ROBO1: variants seen among roughly 807,000 people sequenced by gnomAD.
ROBO1 encodes the protein roundabout homolog 1.
A neutral mutation model predicts 195.9 loss-of-function variants in ROBO1; 149 were observed. The ratio of observed to expected loss-of-function variants is 0.76; its 90% CI spans 0.67 to 0.87. ROBO1 has a LOEUF of 0.87. ROBO1 is among the 40% of genes least tolerant of loss of function. ROBO1 has a pLI of 0.00. For synonymous variants in ROBO1, 816 were observed against 733.2 expected (o/e 1.11, Z -1.82); for missense variants, 1,933 against 2,068.3 (o/e 0.93, Z 1.27).
chr3:78,647,652 G>A lies in ROBO1; in HGVS notation c.2816C>T (p.Pro939Leu), dbSNP rs770487592. The change falls in exon 20 of 31, where the codon CCG (proline) becomes CTG (leucine). Residue 939 changes from proline (P) to leucine (L), a missense_variant. Around this residue, in one of 3 missense-constraint regions of ROBO1, gnomAD observed 1,737 missense variants for 1,882.5 expected, o/e 0.92. Coordinates refer to ENST00000464233, the MANE Select transcript of ROBO1 (RefSeq NM_002941.4). ...TSTYAGIRKVPSFTFTPTVTY... is the reference protein window; with the variant it reads ...TSTYAGIRKVLSFTFTPTVTY... ...ACCTGTTGGTGTGAAGGTAAAAGAC[G>A]GGACTGAAAAATCAAAACAAAATAT... 11 of 1,611,080 alleles carry A rather than the reference G, an allele frequency of 6.8e-6. No individual in the cohort carries two copies. Among genetic ancestry groups the A allele is most frequent in the South Asian group, 1.1e-5 (1 of 91,002 alleles).
intron 2 of ROBO1, among the ~76,000 whole-genome samples, chr3:79,340,880 T>A (rs2034881055): frequency 1.3e-5 from 2 of 152,172 alleles, no homozygotes; most frequent in South Asian, 4.1e-4. Context: ...AAGTGCCTGA[T>A]GTAGATTAAA....
intron 2 of ROBO1, among the ~76,000 whole-genome samples, chr3:79,493,268 T>C (rs1272684592): frequency 3.3e-5 from 5 of 152,048 alleles, no homozygotes; most frequent in African/African-American, 4.8e-5. Context: ...TACAAAAACA[T>C]AATTTTTGAT....
At chr3:78,663,039 T>C (rs112869296) in intron 14 of ROBO1, among the ~76,000 whole-genome samples, 3,056 of 152,204 alleles carry the variant, frequency 0.02, 95 homozygotes, top group African/African-American at 0.068. Flanking sequence ...AGAATTCTCT[T>C]TCTCAAAGAA....
At chr3:79,442,526 C>T (rs1182382978) in intron 2 of ROBO1, among the ~76,000 whole-genome samples, 1 of 151,984 alleles carries the variant, frequency 6.6e-6, no homozygotes, top group South Asian at 2.1e-4. Flanking sequence ...CTGGTGGTCC[C>T]GTCTGAATCC....
chr3:79,142,556 C>A (rs902958681), intron 2 of ROBO1, among the ~76,000 whole-genome samples: 1 of 152,094 alleles, frequency 6.6e-6, no homozygotes, highest in Non-Finnish European at 1.5e-5. Flanking sequence ...GATTCAGTAG[C>A]CTCTGCACAT....
intron 3 of ROBO1, among the ~76,000 whole-genome samples, chr3:79,062,669 T>TA (rs376858613): frequency 2.0e-4 from 31 of 152,180 alleles, no homozygotes; most frequent in African/African-American, 7.2e-4. Flanking sequence ...TATGCAGCCA[T>TA]AAAAAAGAAT....
intron 28 of ROBO1, among the ~76,000 whole-genome samples, chr3:78,609,814 G>A (rs1194053452): frequency 1.3e-5 from 2 of 152,026 alleles, no homozygotes; most frequent in Non-Finnish European, 2.9e-5. Flanking sequence ...GCCCTAAGAA[G>A]CATCAGTTTT....
At chr3:78,813,899 C>A (rs541493844) in intron 4 of ROBO1, among the ~76,000 whole-genome samples, 2 of 152,136 alleles carry the variant, frequency 1.3e-5, no homozygotes, top group South Asian at 4.1e-4. Context: ...TTACAGGGAT[C>A]TTGTCCTGTG....
At chr3:79,231,686 A>G (rs1274138668) in intron 2 of ROBO1, among the ~76,000 whole-genome samples, 6 of 152,176 alleles carry the variant, frequency 3.9e-5, no homozygotes, top group Non-Finnish European at 8.8e-5. Context: ...CAGAAATGCC[A>G]TTTGACCCAG....
chr3:79,190,218 A>T (rs549794405), intron 2 of ROBO1, among the ~76,000 whole-genome samples: 2 of 151,748 alleles, frequency 1.3e-5, no homozygotes, highest in African/African-American at 4.8e-5. Flanking sequence ...AATTCTAGAA[A>T]TGCCTCTCTT....
At position 78,755,389 on chromosome 3, in the gene ROBO1, G is replaced by A. The variant is rs191124865; in HGVS notation, c.500-8489C>T. On this transcript the variant is annotated intron_variant, in intron 4 of 30. Coordinates refer to ENST00000464233, the MANE Select transcript of ROBO1 (RefSeq NM_002941.4). ...GTGGGGAGACTGAGGTAGGAGGATC[G>A]CTTGAGCCTGGGAGATTGAGGCCAC... Among the ~76,000 whole-genome samples, 332 of 152,192 alleles carry A rather than the reference G, an allele frequency of 2.2e-3. 2 individuals are homozygous for A. Among genetic ancestry groups the A allele is most frequent in the African/African-American group, 7.6e-3 (315 of 41,534 alleles).
intron 3 of ROBO1, among the ~76,000 whole-genome samples, chr3:79,013,770 AT>A (rs1046907017): frequency 2.6e-5 from 4 of 152,288 alleles, no homozygotes; most frequent in Admixed American, 6.5e-5. Context: ...ATGTCATAGG[AT>A]TTTTATGAGC....
intron 2 of ROBO1, among the ~76,000 whole-genome samples, chr3:79,269,354 T>C (rs911516507): frequency 2.0e-5 from 3 of 151,770 alleles, no homozygotes. Flanking sequence ...AATGAACAAA[T>C]GAATGCTATT....
chr3:79,225,662 T>C (rs1341858373), intron 2 of ROBO1, among the ~76,000 whole-genome samples: 1 of 152,128 alleles, frequency 6.6e-6, no homozygotes, highest in Non-Finnish European at 1.5e-5. Context: ...TCCTCCACAG[T>C]CCTCTTCATA....
intron 2 of ROBO1, among the ~76,000 whole-genome samples, chr3:79,477,630 G>T (rs1307228703): frequency 6.6e-6 from 1 of 152,092 alleles, no homozygotes; most frequent in Non-Finnish European, 1.5e-5. Flanking sequence ...GGTAAAGGAG[G>T]AGAAAAGCTG....
intron 3 of ROBO1, among the ~76,000 whole-genome samples, chr3:78,941,406 A>G (rs1340509658): frequency 6.6e-6 from 1 of 152,218 alleles, no homozygotes; most frequent in Non-Finnish European, 1.5e-5. Flanking sequence ...AAGATTAAGT[A>G]TTGTAATATG....
chr3:79,488,313 T>A (rs978160104), intron 2 of ROBO1, among the ~76,000 whole-genome samples: 1 of 152,156 alleles, frequency 6.6e-6, no homozygotes, highest in Non-Finnish European at 1.5e-5. Context: ...GAGGGGGAAT[T>A]TTTTTTCTTC....
intron 1 of ROBO1, among the ~76,000 whole-genome samples, chr3:79,606,395 G>A (rs905055035): frequency 3.9e-5 from 6 of 151,914 alleles, no homozygotes; most frequent in Non-Finnish European, 8.8e-5. Context: ...CTTTGTGTCT[G>A]TCTCCTCATC....
intron 1 of ROBO1, among the ~76,000 whole-genome samples, chr3:79,604,455 A>G (rs1944425395): frequency 6.6e-6 from 1 of 152,082 alleles, no homozygotes; most frequent in Admixed American, 6.6e-5. Context: ...ACAGGATCAG[A>G]GAAAGAGTAG....
Sources: gnomAD v4.1 joint callset for allele counts (sites outside exome capture counted in the v4.1 genomes callset) on GRCh38, gnomAD v4.1.1 for gene constraint, gnomAD v4.1.1 regional missense constraint, MANE v1.5 for transcripts, NCBI Gene and HGNC (gene_info 2026-07-23, HGNC 2026-07-21) for gene names.